CENPP: variants seen among roughly 807,000 people sequenced by gnomAD.
The protein encoded by CENPP is centromere protein P.
In CENPP, 24 loss-of-function variants were observed where a neutral mutation model predicts 35.6. The observed-to-expected ratio is 0.67, with a 90% CI of 0.49 to 0.95. The LOEUF (loss-of-function observed/expected upper bound fraction) is 0.95. Ranked by LOEUF, CENPP falls within the 40% of genes least tolerant of loss-of-function variation. The probability of loss-of-function intolerance (pLI) is 0.00; values close to 1 mark genes in which losing one functional copy is unlikely to be tolerated. For synonymous variants in CENPP, 120 were observed against 125.5 expected (o/e 0.96, Z 0.29); for missense variants, 332 against 345.3 (o/e 0.96, Z 0.31).
chr9:92,574,352 G>C (rs538673009), intron 5 of CENPP, among the ~76,000 whole-genome samples: 2 of 152,006 alleles, frequency 1.3e-5, no homozygotes, highest in Non-Finnish European at 2.9e-5. Context: ...AATAAATTCA[G>C]CAAAGTAGCA....
At chr9:92,353,288 C>T (rs1337019521) in intron 4 of CENPP, among the ~76,000 whole-genome samples, 1 of 152,208 alleles carries the variant, frequency 6.6e-6, no homozygotes, top group Non-Finnish European at 1.5e-5. Context: ...GTACTGATGA[C>T]TCCCTTCTTT....
intron 5 of CENPP, among the ~76,000 whole-genome samples, chr9:92,500,106 A>G (rs1329847724): frequency 1.3e-5 from 2 of 152,240 alleles, no homozygotes; most frequent in East Asian, 3.8e-4. Context: ...ACATGGAGGT[A>G]GGAGTAGTAA....
chr9:92,619,973 A>AG lies in CENPP; in HGVS notation c.*6829dup. The AG allele has an allele frequency of 4.6e-6, 1 of 215,430 alleles. No homozygotes were observed. Among genetic ancestry groups the AG allele is most frequent in the Non-Finnish European group, 9.8e-6 (1 of 102,326 alleles). 13.3% of individuals were successfully genotyped at this position (215,430 alleles called of 1,614,324 possible). On this transcript the variant is annotated 3_prime_UTR_variant, in exon 8 of 8. Coordinates refer to ENST00000375587, the MANE Select transcript of CENPP (RefSeq NM_001012267.3). ...CACTCGACACCTGCAAGGAGAGCGC[A>AG]GGGGGTGTTCAGCAAGGCATCGCTT...
intron 5 of CENPP, among the ~76,000 whole-genome samples, chr9:92,420,358 G>T (rs1203349925): frequency 1.3e-5 from 2 of 152,186 alleles, no homozygotes; most frequent in Admixed American, 1.3e-4. Context: ...TTTTGCACAT[G>T]CCCTAAACTT....
At chr9:92,531,917 T>C (rs989652847) in intron 5 of CENPP, among the ~76,000 whole-genome samples, 4 of 151,836 alleles carry the variant, frequency 2.6e-5, no homozygotes, top group African/African-American at 9.7e-5. Flanking sequence ...GAAGATACGG[T>C]TGATTTTTTC....
rs1409158573 is a variant in CENPP at position 92,363,021 on chromosome 9, A to G, written c.468-16742A>G. On this transcript the variant is annotated intron_variant, in intron 4 of 7. Transcript: ENST00000375587. ...ATTATATTTTTGAGCACTTCCTCATATTCTGTCATTAAAAGATTTTCCAGG... is the reference window on the plus strand; with the variant it reads ...ATTATATTTTTGAGCACTTCCTCATGTTCTGTCATTAAAAGATTTTCCAGG... Among the ~76,000 whole-genome samples, 3 of 152,218 alleles carry G rather than the reference A, an allele frequency of 2.0e-5. No individual in the cohort carries two copies. In the South Asian group the frequency reaches 6.2e-4, roughly 32 times the overall value.
chr9:92,592,223 A>G (rs1345315927), intron 5 of CENPP, among the ~76,000 whole-genome samples: 1 of 152,074 alleles, frequency 6.6e-6, no homozygotes, highest in Non-Finnish European at 1.5e-5. Context: ...CACAAAATGA[A>G]CTTGTATGAC....
intron 5 of CENPP, among the ~76,000 whole-genome samples, chr9:92,451,165 C>A (rs1377527021): frequency 3.4e-5 from 5 of 148,344 alleles, no homozygotes; most frequent in Non-Finnish European, 1.5e-5. Flanking sequence ...ACATGAAGTC[C>A]TTGCCCATGC....
intron 5 of CENPP, among the ~76,000 whole-genome samples, chr9:92,416,076 T>TATATATAAA: frequency 7.6e-6 from 1 of 131,074 alleles, no homozygotes; most frequent in East Asian, 2.1e-4. Context: ...ATATATTTAT[T>TATATATAAA]TATTTATTTA....
intron 5 of CENPP, among the ~76,000 whole-genome samples, chr9:92,469,526 A>G (rs1056975653): frequency 7.9e-5 from 12 of 152,194 alleles, no homozygotes; most frequent in African/African-American, 2.9e-4. Context: ...CAGACACAGG[A>G]ACAGGCCAGG....
chr9:92,464,988 C>T, intron 5 of CENPP: 1 of 1,614,032 alleles, frequency 6.2e-7, no homozygotes, highest in Non-Finnish European at 8.5e-7. Flanking sequence ...TCAAATGCCC[C>T]TGGCTCTATC....
intron 1 of CENPP, among the ~76,000 whole-genome samples, chr9:92,326,742 T>A (rs1840532224): frequency 6.6e-6 from 1 of 152,178 alleles, no homozygotes. Context: ...TGGGCACTTT[T>A]GGTTTATTGA....
At position 92,595,585 on chromosome 9, in the gene CENPP, T is replaced by TC. The variant is rs1258300300; in HGVS notation, c.565-15728dup. On this transcript the variant is annotated intron_variant, in intron 5 of 7. Coordinates refer to ENST00000375587, the MANE Select transcript of CENPP (RefSeq NM_001012267.3). ...TTTGTTTTGTTTTTTGTTTTTTTTT[T>TC]CATGGAGTCTCGCTCTGTCGCCCAG... is the stretch of plus-strand genomic sequence containing the variant. 4.0e-5 allele frequency among the ~76,000 whole-genome samples: 6 copies of TC among 151,632 alleles called. No individual in the cohort carries two copies. The East Asian group carries it at 9.7e-4, about 25-fold the overall frequency.
At chr9:92,502,374 A>C in intron 5 of CENPP, 1 of 1,057,548 alleles carries the variant, frequency 9.5e-7, no homozygotes, top group Non-Finnish European at 1.4e-6. Flanking sequence ...GTAAGGGTTC[A>C]CTAAGAAACG....
chr9:92,522,897 G>C (rs1848166505), intron 5 of CENPP: 5 of 1,566,700 alleles, frequency 3.2e-6, no homozygotes, highest in Non-Finnish European at 4.3e-6. Context: ...CCAATTTCTA[G>C]AATGAAACAA....
intron 5 of CENPP, among the ~76,000 whole-genome samples, chr9:92,548,487 G>A (rs2131322144): frequency 6.6e-6 from 1 of 152,228 alleles, no homozygotes; most frequent in Non-Finnish European, 1.5e-5. Flanking sequence ...CTAATGTTGG[G>A]CAAAACTTTT....
intron 4 of CENPP, among the ~76,000 whole-genome samples, chr9:92,358,770 T>C (rs986145222): frequency 6.6e-6 from 1 of 152,074 alleles, no homozygotes; most frequent in African/African-American, 2.4e-5. Context: ...GATATTTCTA[T>C]TGTGTTCCTG....
intron 5 of CENPP, among the ~76,000 whole-genome samples, chr9:92,428,881 T>A (rs951870684): frequency 6.6e-6 from 1 of 152,168 alleles, no homozygotes; most frequent in Non-Finnish European, 1.5e-5. Flanking sequence ...CACTGGCTTC[T>A]TTTTGACCCT....
chr9:92,509,536 T>G (rs191097938), intron 5 of CENPP, among the ~76,000 whole-genome samples: 1 of 152,312 alleles, frequency 6.6e-6, no homozygotes, highest in East Asian at 1.9e-4. Context: ...GGTTAGTCGC[T>G]ACAAAGAACC....
Sources: gnomAD v4.1 joint callset for allele counts (sites outside exome capture counted in the v4.1 genomes callset) on GRCh38, gnomAD v4.1.1 for gene constraint, MANE v1.5 for transcripts, NCBI Gene and HGNC (gene_info 2026-07-23, HGNC 2026-07-21) for gene names.